Variants in ADGRL3 observed in about 807,000 individuals in gnomAD.
ADGRL3 encodes the protein adhesion G protein-coupled receptor L3, also known as calcium-independent alpha-latrotoxin receptor 3.
ADGRL3 carries 62 observed loss-of-function variants against 153.5 expected under a neutral mutation model. That is an observed-to-expected ratio of 0.40 (90% confidence interval 0.33 to 0.50). The LOEUF (loss-of-function observed/expected upper bound fraction) is 0.50. Ranked by LOEUF, ADGRL3 falls within the 20% of genes least tolerant of loss-of-function variation. The pLI is 0.47. For missense variants in ADGRL3, 1,641 were observed against 1,859.4 expected, an observed-to-expected ratio of 0.88 and a Z score of 2.16; for synonymous variants, 710 against 672.5, an observed-to-expected ratio of 1.06 and a Z score of -0.86.
chr4:61,648,349 C>CTTTTTTT lies in ADGRL3; in HGVS notation c.474-28462_474-28456dup, dbSNP rs34166403. Among the ~76,000 whole-genome samples the CTTTTTTT allele has an allele frequency of 6.4e-4, 64 of 99,592 alleles. 2 individuals are homozygous for CTTTTTTT. The highest frequency in any genetic ancestry group is 1.2e-3 in the East Asian group (4 of 3,238). The allele number at this position is 99,592 out of a possible 152,430, so 65.3% of individuals were successfully genotyped here. ...TTTAAGAGTTAGGAAATGAAATCGG[C>CTTTTTTT]TTTTTTTTTTTTTTTTTTTTTAATT... is the stretch of plus-strand genomic sequence containing the variant. On this transcript the variant is annotated intron_variant, in intron 5 of 26. Coordinates refer to ENST00000683033, the MANE Select transcript of ADGRL3 (RefSeq NM_001387552.1).
At chr4:61,258,888 A>G (rs2092258304) in intron 1 of ADGRL3, among the ~76,000 whole-genome samples, 2 of 152,204 alleles carry the variant, frequency 1.3e-5, no homozygotes, top group Non-Finnish European at 2.9e-5. Flanking sequence ...AACATTGCTA[A>G]TGCAATAAAA....
chr4:61,289,972 T>C (rs1052763511), intron 1 of ADGRL3, among the ~76,000 whole-genome samples: 1 of 152,106 alleles, frequency 6.6e-6, no homozygotes, highest in Non-Finnish European at 1.5e-5. Flanking sequence ...TCTTAGCACT[T>C]GTCATTATAA....
intron 5 of ADGRL3, among the ~76,000 whole-genome samples, chr4:61,610,156 T>TATAC (rs1355191088): frequency 2.6e-5 from 4 of 151,344 alleles, no homozygotes; most frequent in African/African-American, 9.7e-5. Flanking sequence ...TATATATATA[T>TATAC]ACTTCTTATA....
intron 21 of ADGRL3, among the ~76,000 whole-genome samples, chr4:62,011,736 C>A (rs2099187439): frequency 6.6e-6 from 1 of 151,888 alleles, no homozygotes; most frequent in Non-Finnish European, 1.5e-5. Context: ...GAAAAATGAA[C>A]AAAACTTTTT....
chr4:61,713,589 C>A lies in ADGRL3; in HGVS notation c.584-17033C>A, dbSNP rs550578257. On this transcript the variant is annotated intron_variant, in intron 6 of 26. Transcript: ENST00000683033. ...TATATGAGTTGAAATTCCAAGCATT[C>A]TCTGTCTCTTTTATACTTTTTATTC... is the stretch of plus-strand genomic sequence containing the variant. 2.0e-5 allele frequency among the ~76,000 whole-genome samples: 3 copies of A among 151,904 alleles called. No homozygotes were observed. In the South Asian group the frequency reaches 6.2e-4, roughly 32 times the overall value.
intron 11 of ADGRL3, among the ~76,000 whole-genome samples, chr4:61,907,441 TA>T (rs2098701289): frequency 6.6e-6 from 1 of 151,930 alleles, no homozygotes; most frequent in Non-Finnish European, 1.5e-5. Flanking sequence ...GTATTTTCAC[TA>T]GAGACAGGGT....
chr4:61,619,803 G>T (rs913966836), intron 5 of ADGRL3, among the ~76,000 whole-genome samples: 3 of 152,040 alleles, frequency 2.0e-5, no homozygotes, highest in African/African-American at 7.2e-5. Flanking sequence ...TTCTTTCTTT[G>T]TTCAATCCAG....
At chr4:61,960,922 A>G (rs2098985462) in intron 17 of ADGRL3, among the ~76,000 whole-genome samples, 1 of 151,974 alleles carries the variant, frequency 6.6e-6, no homozygotes, top group Non-Finnish European at 1.5e-5. Context: ...TTTGGCCAGG[A>G]GGGTTTCGAT....
chr4:62,031,026 G>A (rs960906684), intron 22 of ADGRL3, among the ~76,000 whole-genome samples: 1 of 151,334 alleles, frequency 6.6e-6, no homozygotes, highest in Non-Finnish European at 1.5e-5. Flanking sequence ...GAAAAAGCGA[G>A]GTAAAAATGT....
chr4:61,385,824 T>C (rs762876104), intron 2 of ADGRL3: 1 of 152,172 alleles, frequency 6.6e-6, no homozygotes, highest in Non-Finnish European at 1.5e-5. Context: ...AATTTAGTTG[T>C]TTTATAAATA....
chr4:61,306,077 T>C (rs1352912492), intron 1 of ADGRL3, among the ~76,000 whole-genome samples: 1 of 151,852 alleles, frequency 6.6e-6, no homozygotes, highest in Non-Finnish European at 1.5e-5. Flanking sequence ...GATGAACTTA[T>C]TTATTTATTT....
chr4:61,608,648 A>G (rs891601801), intron 5 of ADGRL3, among the ~76,000 whole-genome samples: 1 of 152,178 alleles, frequency 6.6e-6, no homozygotes, highest in Non-Finnish European at 1.5e-5. Context: ...TGAGGAAGTA[A>G]AATTTTCGTC....
At chr4:61,976,428 A>G (rs2099048282) in intron 17 of ADGRL3, among the ~76,000 whole-genome samples, 1 of 152,164 alleles carries the variant, frequency 6.6e-6, no homozygotes, top group Non-Finnish European at 1.5e-5. Context: ...TCCACTTGAT[A>G]TGGTTTGGCT....
chr4:61,933,327 A>G (rs1230315841), intron 13 of ADGRL3, among the ~76,000 whole-genome samples: 1 of 151,224 alleles, frequency 6.6e-6, no homozygotes, highest in Non-Finnish European at 1.5e-5. Flanking sequence ...TTTTTGGCAT[A>G]TCCTGTTGGC....
intron 21 of ADGRL3, among the ~76,000 whole-genome samples, chr4:62,023,828 A>G (rs1003196850): frequency 2.6e-5 from 4 of 152,170 alleles, no homozygotes; most frequent in African/African-American, 4.8e-5. Flanking sequence ...GAAATCCCCA[A>G]ATTTGTGACT....
chr4:61,217,187 C>G (rs573584090), intron 1 of ADGRL3, among the ~76,000 whole-genome samples: 1 of 152,288 alleles, frequency 6.6e-6, no homozygotes, highest in Non-Finnish European at 1.5e-5. Flanking sequence ...CAATGTATCC[C>G]TCATTAATTA....
intron 5 of ADGRL3, among the ~76,000 whole-genome samples, chr4:61,636,327 G>C (rs564420742): frequency 2.6e-5 from 4 of 152,232 alleles, no homozygotes; most frequent in Admixed American, 2.6e-4. Flanking sequence ...CTCAAATGTT[G>C]CAATTATCAG....
At chr4:61,636,303 A>G (rs551592300) in intron 5 of ADGRL3, among the ~76,000 whole-genome samples, 1 of 152,338 alleles carries the variant, frequency 6.6e-6, no homozygotes, top group East Asian at 1.9e-4. Flanking sequence ...CAATAGAATC[A>G]GAGGTAGACA....
chr4:61,253,794 A>G (rs534426478), intron 1 of ADGRL3, among the ~76,000 whole-genome samples: 27 of 152,154 alleles, frequency 1.8e-4, no homozygotes, highest in Non-Finnish European at 3.4e-4. Context: ...TATTTCTAGA[A>G]TTACTTTGTA....
Sources: allele counts gnomAD v4.1 joint callset (sites outside exome capture counted in the v4.1 genomes callset), GRCh38; gene constraint gnomAD v4.1.1; transcripts MANE v1.5; gene names NCBI Gene and HGNC (gene_info 2026-07-23, HGNC 2026-07-21).